TENM1: variants seen among roughly 807,000 people sequenced by gnomAD.
The protein encoded by TENM1 is teneurin-1.
Under a neutral mutation model 174.8 loss-of-function variants are expected in TENM1, and 35 were observed. The ratio of observed to expected loss-of-function variants is 0.20; its 90% confidence interval spans 0.15 to 0.27. The LOEUF (loss-of-function observed/expected upper bound fraction) is 0.27. Ranked by LOEUF, TENM1 falls within the 10% of genes least tolerant of loss-of-function variation. The pLI is 1.00. For missense variants in TENM1, 1,633 were observed against 2,130.1 expected, an observed-to-expected ratio of 0.77 and a Z score of 4.59; for synonymous variants, 781 against 798.7, an observed-to-expected ratio of 0.98 and a Z score of 0.37.
chrX:124,775,224 T>C (rs1447359156), intron 3 of TENM1, among the ~76,000 whole-genome samples: 3 of 106,593 alleles, frequency 2.8e-5, no homozygotes, highest in African/African-American at 1.0e-4. Context: ...GAGAATTGCT[T>C]GAACCCGGGA....
chrX:124,918,088 T>C (rs755267141), intron 1 of TENM1, among the ~76,000 whole-genome samples: 7 of 112,086 alleles, frequency 6.2e-5, no homozygotes, highest in Non-Finnish European at 9.4e-5. Flanking sequence ...CTCCCTGGCC[T>C]GAGCTTCATA....
At chrX:124,617,154 C>T (rs2050416028) in intron 11 of TENM1, among the ~76,000 whole-genome samples, 1 of 111,577 alleles carries the variant, frequency 9.0e-6, no homozygotes, top group Non-Finnish European at 1.9e-5. Flanking sequence ...ATTAAGTTTC[C>T]TTCTTTTAAG....
intron 28 of TENM1, among the ~76,000 whole-genome samples, chrX:124,386,978 C>T (rs5956652): frequency 0.44 from 47,002 of 106,539 alleles, 7,913 homozygotes; most frequent in African/African-American, 0.52. Flanking sequence ...GTTACTTCAA[C>T]GTGCATATGT....
At chrX:124,444,559 C>T (rs1430867405) in intron 23 of TENM1, among the ~76,000 whole-genome samples, 1 of 111,810 alleles carries the variant, frequency 8.9e-6, no homozygotes, top group Non-Finnish European at 1.9e-5. Flanking sequence ...TTCTGGGACA[C>T]CACCTCTTGT....
intron 14 of TENM1, among the ~76,000 whole-genome samples, chrX:124,555,347 T>C (rs1036253050): frequency 8.9e-6 from 1 of 111,916 alleles, no homozygotes; most frequent in Non-Finnish European, 1.9e-5. Context: ...CATGCACATT[T>C]ATAGAATTAC....
chrX:124,467,358 A>G (rs1468756726), intron 22 of TENM1, among the ~76,000 whole-genome samples: 3 of 111,753 alleles, frequency 2.7e-5, no homozygotes, highest in African/African-American at 9.8e-5. Flanking sequence ...ACTCACTCCC[A>G]AGGGAACAGT....
At chrX:124,527,704 C>T (rs756115658) in intron 16 of TENM1, among the ~76,000 whole-genome samples, 7 of 97,795 alleles carry the variant, frequency 7.2e-5, no homozygotes, top group Non-Finnish European at 1.0e-4. Context: ...GCTGGAGTAA[C>T]GTGGCGCGAT....
intron 3 of TENM1, among the ~76,000 whole-genome samples, chrX:124,842,409 G>C (rs2056521303): frequency 9.0e-6 from 1 of 111,486 alleles, no homozygotes; most frequent in Non-Finnish European, 1.9e-5. Context: ...TTCCTTTGCT[G>C]ATGCTCTATT....
At chrX:125,047,321 GC>G in the TENM1 span, among the ~76,000 whole-genome samples, 6 of 111,621 alleles carry the variant, frequency 5.4e-5, no homozygotes, top group Admixed American at 5.7e-4. Flanking sequence ...GAGTTGACAA[GC>G]TGTAGGCATC....
chrX:124,598,621 G>A (rs1290622201), intron 11 of TENM1, among the ~76,000 whole-genome samples: 2 of 111,725 alleles, frequency 1.8e-5, no homozygotes, highest in Non-Finnish European at 3.8e-5. Flanking sequence ...ATTATGATAA[G>A]TGAAATAAGC....
the TENM1 span, among the ~76,000 whole-genome samples, chrX:125,116,388 G>A: frequency 2.7e-5 from 3 of 111,761 alleles, no homozygotes; most frequent in East Asian, 8.4e-4. Context: ...TTGACAAATG[G>A]GATCTAATTA....
At chrX:124,419,827 T>C (rs891799488) in intron 25 of TENM1, among the ~76,000 whole-genome samples, 1 of 111,736 alleles carries the variant, frequency 8.9e-6, no homozygotes, top group Non-Finnish European at 1.9e-5. Flanking sequence ...CTTCTTATAT[T>C]TGAACTTCTC....
At chrX:124,556,388 G>A (rs183724368) in intron 14 of TENM1, among the ~76,000 whole-genome samples, 9 of 111,526 alleles carry the variant, frequency 8.1e-5, no homozygotes, top group Non-Finnish European at 1.3e-4. Flanking sequence ...GGCAACAGTT[G>A]TTTGGGGTCC....
At chrX:124,732,887 G>T (rs2053594936) in intron 4 of TENM1, among the ~76,000 whole-genome samples, 1 of 112,242 alleles carries the variant, frequency 8.9e-6, no homozygotes, top group African/African-American at 3.2e-5. Flanking sequence ...CACAGTCTTT[G>T]CCTTTCCTTT....
At chrX:124,905,732 A>G (rs1480542333) in intron 1 of TENM1, among the ~76,000 whole-genome samples, 1 of 111,776 alleles carries the variant, frequency 8.9e-6, no homozygotes, top group African/African-American at 3.3e-5. Flanking sequence ...TGCAGTACGG[A>G]GTACCAGAGA....
At chrX:124,660,583 A>G (rs763473147) in intron 6 of TENM1, among the ~76,000 whole-genome samples, 7 of 111,961 alleles carry the variant, frequency 6.3e-5, no homozygotes, top group African/African-American at 2.3e-4. Flanking sequence ...ACATTTCTCC[A>G]AAGAAGACAG....
At chrX:124,882,518 T>C in intron 3 of TENM1, among the ~76,000 whole-genome samples, 1 of 112,276 alleles carries the variant, frequency 8.9e-6, no homozygotes, top group African/African-American at 3.2e-5. Flanking sequence ...ATCTCCCTTC[T>C]TAGGTCTAAT....
the TENM1 span, among the ~76,000 whole-genome samples, chrX:125,039,260 G>A: frequency 1.6e-4 from 18 of 111,189 alleles, no homozygotes; most frequent in African/African-American, 5.5e-4. Flanking sequence ...TTGTCTTCCC[G>A]CAGGTTTAAT....
At chrX:125,141,995 C>T in the TENM1 span, among the ~76,000 whole-genome samples, 1 of 111,430 alleles carries the variant, frequency 9.0e-6, no homozygotes, top group Admixed American at 9.6e-5. Context: ...TAATTTCCAC[C>T]TCCCAGGATT....
Sources: allele counts gnomAD v4.1 joint callset (sites outside exome capture counted in the v4.1 genomes callset), GRCh38; gene constraint gnomAD v4.1.1; transcripts MANE v1.5; gene names NCBI Gene and HGNC (gene_info 2026-07-23, HGNC 2026-07-21).